SNX19: variants seen among roughly 807,000 people sequenced by gnomAD.
The protein encoded by SNX19 is sorting nexin 19.
In SNX19, 60 loss-of-function variants were observed where a neutral mutation model predicts 85.2. The observed-to-expected ratio is 0.70, with a 90% CI of 0.57 to 0.87. SNX19 has a LOEUF of 0.87. SNX19 is among the 40% of genes least tolerant of loss of function. The probability of loss-of-function intolerance (pLI) is 0.00; values close to 1 mark genes in which losing one functional copy is unlikely to be tolerated. For missense variants in SNX19, 1,201 were observed against 1,217.8 expected, an observed-to-expected ratio of 0.99 and a Z score of 0.21; for synonymous variants, 520 against 470.0, an observed-to-expected ratio of 1.11 and a Z score of -1.38.
In SNX19 at chr11:130,914,369, G is replaced by T. The variant is rs768809794; in HGVS notation, c.1571C>A (p.Pro524His). ...GTTCTGGATGATAACTGGACCATCG[G>T]GACTGCTTAGGGGCTCAAAGCTGAA... ...ATFSFEPLSS[P>H]DGPVIIQNLR... The change falls in exon 1 of 11, where the codon CCC becomes CAC. Residue 524 changes from proline (P) to histidine (H), a missense_variant. Coordinates refer to ENST00000265909, the MANE Select transcript of SNX19 (RefSeq NM_014758.3). 5.0e-6 allele frequency: 8 copies of T among 1,613,884 alleles called. No individual in the cohort carries two copies. Among genetic ancestry groups the T allele is most frequent in the Non-Finnish European group, 6.8e-6 (8 of 1,179,854 alleles).
At chr11:130,910,415 C>T in intron 2 of SNX19, 45 bp from the exon 3 acceptor site, 1 of 1,332,468 alleles carries the variant, frequency 7.5e-7, no homozygotes, top group Non-Finnish European at 1.1e-6. Context: ...ATTTAACATT[C>T]ACAGAGAGCT....
Position 130,877,633 on chromosome 11 carries a change from T to C in SNX19, c.*789A>G, listed in dbSNP as rs529405214. On this transcript the variant is annotated 3_prime_UTR_variant, in exon 11 of 11. Coordinates refer to ENST00000265909, the MANE Select transcript of SNX19 (RefSeq NM_014758.3). ...GAGGGTCAAAAATTCAAAAACTCAA[T>C]TGCTCTAGGGCAGGGGGTTGGGAGC... is the stretch of plus-strand genomic sequence containing the variant. 1 of 152,674 alleles carries C rather than the reference T, an allele frequency of 6.5e-6. No individual in the cohort carries two copies. Among genetic ancestry groups the C allele is most frequent in the East Asian group, 1.9e-4 (1 of 5,176 alleles). 9.5% of individuals were successfully genotyped at this position (152,674 alleles called of 1,614,324 possible).
In SNX19 at chr11:130,877,857, T is replaced by C. The variant is rs780930749; in HGVS notation, c.*565A>G. 1.3e-5 allele frequency: 2 copies of C among 152,464 alleles called. No homozygotes were observed. The highest frequency in any genetic ancestry group is 2.4e-5 in the African/African-American group (1 of 41,444). The allele number at this position is 152,464 out of a possible 1,614,324, so 9.4% of individuals were successfully genotyped here. ...CAGCAACACATGAGCAAGAAGTTCC[T>C]TGAAAAATTTTCTTCCCTCCTTCTT... On this transcript the variant is annotated 3_prime_UTR_variant, in exon 11 of 11. Transcript: ENST00000265909.
At chr11:130,903,072 T>C (rs1945367374) in intron 8 of SNX19, 183 bp downstream of exon 8, 1 of 707,152 alleles carries the variant, frequency 1.4e-6, no homozygotes, top group African/African-American at 1.8e-5. Flanking sequence ...TTTCAAATTG[T>C]AGACAACAAG....
chr11:130,868,896 G>T lies in SNX19; in HGVS notation c.*9526C>A, dbSNP rs1415362217. The T allele has an allele frequency of 6.6e-6, 1 of 152,226 alleles. No homozygotes were observed. Among genetic ancestry groups the T allele is most frequent in the Non-Finnish European group, 1.5e-5 (1 of 68,074 alleles). The allele number at this position is 152,226 out of a possible 1,614,324, so 9.4% of individuals were successfully genotyped here. A position where few individuals can be genotyped will look rare whatever the true frequency, so the allele number is the denominator to read the frequency against. Reference sequence around the variant, plus strand: ...ATGAGGATTCCAAGCCTATCAGGAGGAAAGAAATATGTTACTCACTGCCAC... The same window carrying T: ...ATGAGGATTCCAAGCCTATCAGGAGTAAAGAAATATGTTACTCACTGCCAC... On this transcript the variant is annotated 3_prime_UTR_variant, in exon 11 of 11. Coordinates refer to ENST00000265909, the MANE Select transcript of SNX19 (RefSeq NM_014758.3).
intron 8 of SNX19, among the ~76,000 whole-genome samples, chr11:130,897,205 G>C (rs1944934418): frequency 6.6e-6 from 1 of 151,920 alleles, no homozygotes; most frequent in African/African-American, 2.4e-5. Flanking sequence ...CTGCTTGTTG[G>C]ACTCCTTAAA....
intron 2 of SNX19, 30 bp downstream of exon 2, chr11:130,911,603 C>T (rs372242769): frequency 5.3e-5 from 86 of 1,612,666 alleles, no homozygotes; most frequent in Admixed American, 1.3e-4. Flanking sequence ...GGGAAGCAAG[C>T]GGGCAGTAGG....
chr11:130,915,190 C>G lies in SNX19; in HGVS notation c.750G>C (p.Leu250=), dbSNP rs372233209. The change falls in exon 1 of 11, where the codon CTG becomes CTC. Residue 250 remains leucine (L), a synonymous_variant. Coordinates refer to ENST00000265909, the MANE Select transcript of SNX19 (RefSeq NM_014758.3). Reference sequence around the variant, plus strand: ...AGTCAGGATCTGACAGCCTGCTGATCAGTGGTAAGATTACATTGCATGTGA... The same window carrying G: ...AGTCAGGATCTGACAGCCTGCTGATGAGTGGTAAGATTACATTGCATGTGA... ...ELITCNVILP[L]ISRLSDPDWI... is the part of the protein sequence containing the mutation. 1 of 1,614,202 alleles carries G rather than the reference C, an allele frequency of 6.2e-7. No homozygotes were observed. Among genetic ancestry groups the G allele is most frequent in the African/African-American group, 1.3e-5 (1 of 75,052 alleles).
At chr11:130,900,565 C>T (rs150374794) in intron 8 of SNX19, among the ~76,000 whole-genome samples, 1 of 152,304 alleles carries the variant, frequency 6.6e-6, no homozygotes, top group African/African-American at 2.4e-5. Context: ...AGCCCAAACC[C>T]TTGAGCACTC....
At chr11:130,906,328 T>C (rs999568070) in intron 6 of SNX19, among the ~76,000 whole-genome samples, 195 bp from the exon 7 acceptor site, 4 of 152,214 alleles carry the variant, frequency 2.6e-5, no homozygotes, top group African/African-American at 9.6e-5. Context: ...GGGATTATCA[T>C]TTCTGCACCC....
chr11:130,897,556 T>G (rs1461838934), intron 8 of SNX19, among the ~76,000 whole-genome samples: 1 of 152,202 alleles, frequency 6.6e-6, no homozygotes, highest in East Asian at 1.9e-4. Flanking sequence ...GTTCCTATTT[T>G]TATCGTGGCA....
In SNX19 at chr11:130,914,347, C is replaced by G. The variant is rs1403116112; in HGVS notation, c.1593G>C (p.Gln531His). 4 of 1,613,472 alleles carry G rather than the reference C, an allele frequency of 2.5e-6. No individual in the cohort carries two copies. Among genetic ancestry groups the G allele is most frequent in the Non-Finnish European group, 3.4e-6 (4 of 1,179,730 alleles). Reference protein sequence around the residue: ...LSSPDGPVIIQNLRITGTITA... With the variant: ...LSSPDGPVIIHNLRITGTITA... Reference sequence around the variant, plus strand: ...TAATGGTGCCAGTGATACGAAGGTTCTGGATGATAACTGGACCATCGGGAC... The same window carrying G: ...TAATGGTGCCAGTGATACGAAGGTTGTGGATGATAACTGGACCATCGGGAC... The change falls in exon 1 of 11, where the codon CAG becomes CAC. Residue 531 changes from glutamine (Q) to histidine (H), a missense_variant. Physicochemically the swap from Gln to His is conservative, Grantham distance 24. Coordinates refer to ENST00000265909, the MANE Select transcript of SNX19 (RefSeq NM_014758.3).
Position 130,914,617 on chromosome 11 carries a change from C to G in SNX19, c.1323G>C (p.Leu441=). 6.2e-7 allele frequency: 1 copy of G among 1,613,972 alleles called. No individual in the cohort carries two copies. The highest frequency in any genetic ancestry group is 8.5e-7 in the Non-Finnish European group (1 of 1,179,860). ...CAATATGGATCTCTGGGCAGGAATTCAGTGTGGAGACCGGCAGGCCTGTCT... is the reference window on the plus strand; with the variant it reads ...CAATATGGATCTCTGGGCAGGAATTGAGTGTGGAGACCGGCAGGCCTGTCT... ...ETETGLPVST[L]NSCPEIHIDT... The change falls in exon 1 of 11, where the codon CTG becomes CTC. Residue 441 remains leucine (L), a synonymous_variant. Coordinates refer to ENST00000265909, the MANE Select transcript of SNX19 (RefSeq NM_014758.3).
rs1942855202 is a variant in SNX19 at position 130,868,205 on chromosome 11, G to A, written c.*10217C>T. 1 of 152,046 alleles carries A rather than the reference G, an allele frequency of 6.6e-6. No individual in the cohort carries two copies. The highest frequency in any genetic ancestry group is 2.1e-4 in the South Asian group (1 of 4,812). 9.4% of individuals were successfully genotyped at this position (152,046 alleles called of 1,614,324 possible). A position where few individuals can be genotyped will look rare whatever the true frequency, so the allele number is the denominator to read the frequency against. ...TGCCTTCCCTTTTCACACACTGGGG[G>A]CAGACACTCTCTCCTACTGACAGGA... On this transcript the variant is annotated 3_prime_UTR_variant, in exon 11 of 11. Coordinates refer to ENST00000265909, the MANE Select transcript of SNX19 (RefSeq NM_014758.3).
At chr11:130,888,167 A>C (rs1293650844) in intron 8 of SNX19, among the ~76,000 whole-genome samples, 1 of 152,176 alleles carries the variant, frequency 6.6e-6, no homozygotes, top group Non-Finnish European at 1.5e-5. Context: ...GTGCAATTAA[A>C]AAAAAATCTA....
At chr11:130,898,807 G>C (rs915248115) in intron 8 of SNX19, among the ~76,000 whole-genome samples, 4 of 152,206 alleles carry the variant, frequency 2.6e-5, no homozygotes, top group African/African-American at 9.6e-5. Flanking sequence ...TAGGTTAGCT[G>C]CAAGTGTGTA....
chr11:130,915,428 T>A lies in SNX19; in HGVS notation c.512A>T (p.Gln171Leu). ...CTTCCCTGCAGTGGCCTCCTTTGCC[T>A]GAATGTAGCTCTGCAGGTGACAACC... Reference protein sequence around the residue: ...LCGCHLQSYIQAKEATAGKNG... With the variant: ...LCGCHLQSYILAKEATAGKNG... The change falls in exon 1 of 11, where the codon CAG (glutamine) becomes CTG (leucine). Residue 171 changes from glutamine (Q) to leucine (L), a missense_variant. Physicochemically the swap from Gln to Leu is moderately radical, Grantham distance 113. Coordinates refer to ENST00000265909, the MANE Select transcript of SNX19 (RefSeq NM_014758.3). 6.2e-7 allele frequency: 1 copy of A among 1,613,960 alleles called. No individual in the cohort carries two copies. The highest frequency in any genetic ancestry group is 8.5e-7 in the Non-Finnish European group (1 of 1,180,026).
At chr11:130,884,784 C>G (rs1476052074) in intron 8 of SNX19, among the ~76,000 whole-genome samples, 2 of 150,188 alleles carry the variant, frequency 1.3e-5, no homozygotes, top group Non-Finnish European at 3.0e-5. Context: ...AGGCAGGAGA[C>G]TCGCTTGAAC....
At position 130,868,498 on chromosome 11, in the gene SNX19, G is replaced by C. The variant is rs1184335449; in HGVS notation, c.*9924C>G. 6.6e-6 allele frequency: 1 copy of C among 152,250 alleles called. No homozygotes were observed. Among genetic ancestry groups the C allele is most frequent in the Non-Finnish European group, 1.5e-5 (1 of 68,094 alleles). 9.4% of individuals were successfully genotyped at this position (152,250 alleles called of 1,614,324 possible). A position where few individuals can be genotyped will look rare whatever the true frequency, so the allele number is the denominator to read the frequency against. Reference sequence around the variant, plus strand: ...CATAGTTAAGAGCTGCCAGCCTGGGGTCTGTTTCTGGGACATTTCCACCTT... The same window carrying C: ...CATAGTTAAGAGCTGCCAGCCTGGGCTCTGTTTCTGGGACATTTCCACCTT... On this transcript the variant is annotated 3_prime_UTR_variant, in exon 11 of 11. Transcript: ENST00000265909.
Sources: allele counts gnomAD v4.1 joint callset (sites outside exome capture counted in the v4.1 genomes callset), GRCh38; gene constraint gnomAD v4.1.1; transcripts MANE v1.5; gene names NCBI Gene and HGNC (gene_info 2026-07-23, HGNC 2026-07-21).